PWWP2A: variants seen among roughly 807,000 people sequenced by gnomAD.
PWWP2A encodes the protein PWWP domain containing 2A.
A neutral mutation model predicts 48.5 loss-of-function variants in PWWP2A; 18 were observed. The observed-to-expected ratio is 0.37, with a 90% confidence interval of 0.26 to 0.55. The LOEUF is 0.55. Ranked by LOEUF, PWWP2A falls within the 20% of genes least tolerant of loss-of-function variation. PWWP2A has a pLI of 0.81. For synonymous variants in PWWP2A, 396 were observed against 387.7 expected, an observed-to-expected ratio of 1.02 and a Z score of -0.25; for missense variants, 867 against 976.4, an observed-to-expected ratio of 0.89 and a Z score of 1.49.
Position 160,091,417 on chromosome 5 carries a change from ACATTTTCT to A in PWWP2A, c.*957_*964del. On this transcript the variant is annotated 3_prime_UTR_variant, in exon 2 of 2. Coordinates refer to ENST00000307063, the MANE Select transcript of PWWP2A (RefSeq NM_001130864.2). ...TTACATTTCAGAGCATTACACAATTACATTTTCTCATTTTCTGACCTGCAAACAGATAC... is the reference window on the plus strand; with the variant it reads ...TTACATTTCAGAGCATTACACAATTACATTTTCTGACCTGCAAACAGATAC... 6 of 969,406 alleles carry A rather than the reference ACATTTTCT, an allele frequency of 6.2e-6. No individual in the cohort carries two copies. The highest frequency in any genetic ancestry group is 6.1e-6 in the Non-Finnish European group (5 of 820,022). The allele number at this position is 969,406 out of a possible 1,614,324, so 60.1% of individuals were successfully genotyped here.
chr5:160,116,742 G>T, intron 1 of PWWP2A: 1 of 984,954 alleles, frequency 1.0e-6, no homozygotes, highest in Non-Finnish European at 1.2e-6. Context: ...ACAATCACTG[G>T]CCATCTCTTC....
chr5:160,056,834 C>T (rs770610086), downstream of PWWP2A, among the ~76,000 whole-genome samples: 1 of 152,134 alleles, frequency 6.6e-6, no homozygotes, highest in Non-Finnish European at 1.5e-5. Context: ...TCTGGCTATA[C>T]CTGGACATTG....
At chr5:160,118,596 G>T (rs544531952) in intron 1 of PWWP2A, among the ~76,000 whole-genome samples, 1 of 152,024 alleles carries the variant, frequency 6.6e-6, no homozygotes, top group East Asian at 2.0e-4. Context: ...TGGCACACCT[G>T]CCCCGCAGGC....
Position 160,093,528 on chromosome 5 carries a change from T to C in PWWP2A, c.1122A>G (p.Lys374=), listed in dbSNP as rs1288655221. ...TTCTTTTCTGGCTTTCATTTTGGTT[T>C]TTCCCATCCACTTTATGGTCAGTTT... is the stretch of plus-strand genomic sequence containing the variant. ...KLKTDHKVDG[K]NQNESQKRNA... Residue 374 remains lysine (K), a synonymous_variant, in exon 2 of 2, where the codon AAA becomes AAG. Transcript: ENST00000307063. The surrounding 1 kb of genome is among the most constrained non-coding windows in gnomAD (Gnocchi z 5.8). 8 of 1,613,964 alleles carry C rather than the reference T, an allele frequency of 5.0e-6. No individual in the cohort carries two copies. Among genetic ancestry groups the C allele is most frequent in the Admixed American group, 1.7e-5 (1 of 59,996 alleles).
intron 1 of PWWP2A, among the ~76,000 whole-genome samples, chr5:160,112,126 C>CAA (rs11480893): frequency 0.053 from 4,759 of 89,906 alleles, 261 homozygotes; most frequent in East Asian, 0.1. Flanking sequence ...GACCCTTTCT[C>CAA]AAAAAAAAAA....
chr5:160,111,954 C>G (rs762351741), intron 1 of PWWP2A, among the ~76,000 whole-genome samples: 4 of 151,674 alleles, frequency 2.6e-5, no homozygotes, highest in Non-Finnish European at 4.4e-5. Flanking sequence ...AAGCGAAACC[C>G]TGTCTCCACC....
the PWWP2A span, among the ~76,000 whole-genome samples, chr5:160,050,793 T>C: frequency 6.6e-6 from 1 of 151,984 alleles, no homozygotes; most frequent in South Asian, 2.1e-4. Flanking sequence ...ACCCAGCTAA[T>C]TTTTGTATTT....
chr5:160,052,894 A>G, the PWWP2A span, among the ~76,000 whole-genome samples: 1 of 152,240 alleles, frequency 6.6e-6, no homozygotes, highest in African/African-American at 2.4e-5. Flanking sequence ...TTCACCTGCC[A>G]TTAGACTTAA....
At chr5:160,085,796 C>T (rs1181594796) in intron 2 of PWWP2A, among the ~76,000 whole-genome samples, 2 of 150,684 alleles carry the variant, frequency 1.3e-5, no homozygotes, top group African/African-American at 4.9e-5. Context: ...TGAGCCAACA[C>T]GCCCGGCTGT....
chr5:160,068,736 A>G (rs1303536449), intron 2 of PWWP2A, among the ~76,000 whole-genome samples: 3 of 152,246 alleles, frequency 2.0e-5, no homozygotes, highest in Admixed American at 1.3e-4. Flanking sequence ...TATGTTGTTA[A>G]TAGCACCAGC....
At chr5:160,067,207 G>A (rs1237681034) in intron 2 of PWWP2A, among the ~76,000 whole-genome samples, 1 of 152,070 alleles carries the variant, frequency 6.6e-6, no homozygotes, top group African/African-American at 2.4e-5. Context: ...TGAGATCACA[G>A]TGCAGTCACT....
chr5:160,072,649 G>A (rs1317187044), downstream of PWWP2A, among the ~76,000 whole-genome samples: 1 of 152,164 alleles, frequency 6.6e-6, no homozygotes, highest in African/African-American at 2.4e-5. Flanking sequence ...AAGACCACTT[G>A]AACCACAAGG....
rs188314245 is a variant in PWWP2A at position 160,068,401 on chromosome 5, A to G, written c.*80-1530T>C. On this transcript the variant is annotated intron_variant and NMD_transcript_variant, in intron 2 of 5. Coordinates refer to the PWWP2A transcript ENST00000524050. ...GATCACCTGAGGTCAGGAGTTTGAG[A>G]CCAGCCTGGCCAATGTGGTGAAACC... is the stretch of plus-strand genomic sequence containing the variant. Among the ~76,000 whole-genome samples, 538 of 152,118 alleles carry G rather than the reference A, an allele frequency of 3.5e-3. 6 individuals carry two copies. Among genetic ancestry groups the G allele is most frequent in the Non-Finnish European group, 5.6e-3 (380 of 67,976 alleles).
intron 1 of PWWP2A, 60 bp from the exon 2 acceptor site, chr5:160,094,125 T>C: frequency 6.8e-7 from 1 of 1,462,540 alleles, no homozygotes. Flanking sequence ...ATTCAATTTC[T>C]TAAACGTAAA....
At chr5:160,113,142 A>G in intron 1 of PWWP2A, 1 of 785,346 alleles carries the variant, frequency 1.3e-6, no homozygotes, top group Non-Finnish European at 1.5e-6. Flanking sequence ...TGGGTGACAG[A>G]AGCAAGACTC....
rs1758490099 is a variant in PWWP2A at position 160,119,366 on chromosome 5, G to A, written c.23C>T (p.Ala8Val). The A allele has an allele frequency of 8.8e-6, 12 of 1,367,512 alleles. No homozygotes were observed. The highest frequency in any genetic ancestry group is 1.1e-5 in the Non-Finnish European group (12 of 1,066,572). 84.7% of individuals were successfully genotyped at this position (1,367,512 alleles called of 1,614,324 possible). The change falls in exon 1 of 2, where the codon GCG (alanine) becomes GTG (valine). Residue 8 changes from alanine (A) to valine (V), a missense_variant. By Grantham distance (64) the Ala-to-Val change is moderately conservative (BLOSUM62 0). Around this residue, in one of 4 missense-constraint regions of PWWP2A, gnomAD observed 385 missense variants for 396.9 expected, o/e 0.97. Transcript: ENST00000307063. MAAVAAE[A>V]AATAASPGEG... ...CCCGGGGGACGCTGCAGTCGCTGCC[G>A]CCTCTGCAGCCACGGCCGCCATTTT...
chr5:160,073,995 G>T (rs1753805608), downstream of PWWP2A, among the ~76,000 whole-genome samples: 1 of 151,474 alleles, frequency 6.6e-6, no homozygotes, highest in African/African-American at 2.4e-5. Context: ...AACCCAGGGG[G>T]CAGAGGTTGC....
chr5:160,080,639 A>G (rs1228123767), intron 3 of PWWP2A: 1 of 1,529,756 alleles, frequency 6.5e-7, no homozygotes, highest in Non-Finnish European at 8.8e-7. Flanking sequence ...GCAGGGCTTA[A>G]AACAGACAGA....
chr5:160,103,534 T>C (rs1412690845), intron 1 of PWWP2A, among the ~76,000 whole-genome samples: 1 of 152,142 alleles, frequency 6.6e-6, no homozygotes, highest in Non-Finnish European at 1.5e-5. Flanking sequence ...CAAATGAGGT[T>C]ACAGTCTTCG....
Sources: gnomAD v4.1 joint callset for allele counts (sites outside exome capture counted in the v4.1 genomes callset) on GRCh38, gnomAD v4.1.1 for gene constraint, gnomAD v4.1.1 regional missense constraint, Gnocchi (gnomAD v3.1) non-coding constraint, MANE v1.5 for transcripts, NCBI Gene and HGNC (gene_info 2026-07-23, HGNC 2026-07-21) for gene names.